LOC400499: variants seen among roughly 807,000 people sequenced by gnomAD.
the LOC400499 span, among the ~76,000 whole-genome samples, chr16:11,400,733 G>A: frequency 2.0e-5 from 3 of 152,114 alleles, no homozygotes; most frequent in Admixed American, 2.0e-4. Flanking sequence ...GAGCCACCAC[G>A]TCCGGCCCCT....
chr16:11,400,123 C>A, the LOC400499 span, among the ~76,000 whole-genome samples: 1 of 151,768 alleles, frequency 6.6e-6, no homozygotes, highest in Non-Finnish European at 1.5e-5. Context: ...AGAAAGCAAC[C>A]GTGCTCCTCA....
At chr16:11,403,848 G>C in the LOC400499 span, among the ~76,000 whole-genome samples, 1 of 152,188 alleles carries the variant, frequency 6.6e-6, no homozygotes, top group African/African-American at 2.4e-5. Flanking sequence ...ACTGCCCAGG[G>C]ATGCCACCTC....
At chr16:11,384,069 C>T in the LOC400499 span, 2 of 1,231,390 alleles carry the variant, frequency 1.6e-6, no homozygotes, top group Admixed American at 4.2e-5. Flanking sequence ...CCCGCGTACA[C>T]TGGCCTCAGC....
At chr16:11,406,014 C>T in the LOC400499 span, among the ~76,000 whole-genome samples, 2 of 152,142 alleles carry the variant, frequency 1.3e-5, no homozygotes, top group Non-Finnish European at 2.9e-5. Context: ...CTGGAATACT[C>T]TTTTTAAAAA....
At chr16:11,483,709 T>TAAA in the LOC400499 span, among the ~76,000 whole-genome samples, 1 of 145,370 alleles carries the variant, frequency 6.9e-6, no homozygotes, top group Non-Finnish European at 1.5e-5. Context: ...GTACAACTTT[T>TAAA]AAAAAAAAAA....
At chr16:11,420,593 A>G in the LOC400499 span, among the ~76,000 whole-genome samples, 1 of 126,184 alleles carries the variant, frequency 7.9e-6, no homozygotes, top group African/African-American at 3.6e-5. Context: ...TTAAATAATA[A>G]TAAACCCCCC....
the LOC400499 span, among the ~76,000 whole-genome samples, chr16:11,505,440 CTTTTCT>C: frequency 2.6e-3 from 198 of 75,272 alleles, 3 homozygotes; most frequent in African/African-American, 8.6e-3. Flanking sequence ...TTTAATTTTT[CTTTTCT>C]TTTTTTTTTT....
chr16:11,409,627 C>A, the LOC400499 span, among the ~76,000 whole-genome samples: 20 of 152,118 alleles, frequency 1.3e-4, no homozygotes, highest in Non-Finnish European at 2.4e-4. Flanking sequence ...TAAAACAAAA[C>A]AAAACAGTTT....
the LOC400499 span, among the ~76,000 whole-genome samples, chr16:11,431,780 C>G: frequency 1.3e-5 from 2 of 152,174 alleles, no homozygotes; most frequent in Non-Finnish European, 2.9e-5. Flanking sequence ...CTATGGCCAG[C>G]TCTTCCCATA....
At chr16:11,399,279 C>T in the LOC400499 span, 1 of 980,240 alleles carries the variant, frequency 1.0e-6, no homozygotes, top group Admixed American at 6.1e-5. Flanking sequence ...TCTTCCAGAG[C>T]CCTCACCACA....
At chr16:11,388,360 G>C in the LOC400499 span, among the ~76,000 whole-genome samples, 1 of 152,182 alleles carries the variant, frequency 6.6e-6, no homozygotes, top group Non-Finnish European at 1.5e-5. Context: ...TGTATCACAG[G>C]GAGTCTTTTC....
the LOC400499 span, among the ~76,000 whole-genome samples, chr16:11,473,356 GAA>G: frequency 6.8e-6 from 1 of 147,954 alleles, no homozygotes; most frequent in Non-Finnish European, 1.5e-5. Context: ...AAAAAAAAAA[GAA>G]AAAAAAATTT....
chr16:11,429,270 CCT>C, the LOC400499 span, among the ~76,000 whole-genome samples: 3 of 152,040 alleles, frequency 2.0e-5, no homozygotes, highest in African/African-American at 7.3e-5. Flanking sequence ...GCAGCTCCCC[CCT>C]CTTTCTCTTA....
the LOC400499 span, chr16:11,391,649 C>G: frequency 8.1e-7 from 1 of 1,231,970 alleles, no homozygotes; most frequent in Non-Finnish European, 1.0e-6. Context: ...ATTGAGCCCT[C>G]CCCCTCCCAC....
the LOC400499 span, among the ~76,000 whole-genome samples, chr16:11,427,436 C>A: frequency 6.7e-6 from 1 of 149,548 alleles, no homozygotes. Flanking sequence ...GGAGAAACCA[C>A]TAGACACTAA....
the LOC400499 span, among the ~76,000 whole-genome samples, chr16:11,503,889 G>C: frequency 3.3e-5 from 5 of 152,218 alleles, no homozygotes; most frequent in Non-Finnish European, 7.3e-5. Context: ...TGCCCAGTTT[G>C]GGGCGTCTAT....
the LOC400499 span, among the ~76,000 whole-genome samples, chr16:11,439,240 A>G: frequency 2.0e-5 from 3 of 152,166 alleles, no homozygotes; most frequent in East Asian, 5.8e-4. Context: ...CCCATTTTCA[A>G]GAGTGAAATG....
chr16:11,417,862 C>G, the LOC400499 span: 14 of 398,572 alleles, frequency 3.5e-5, no homozygotes, highest in Non-Finnish European at 4.4e-5. Flanking sequence ...CAAGGAGACG[C>G]TGGACCACCC....
chr16:11,472,031 T>C, the LOC400499 span: 4 of 388,294 alleles, frequency 1.0e-5, no homozygotes, highest in East Asian at 3.7e-5. Flanking sequence ...ATCATCTTAT[T>C]TGGGGGCTGT....
Sources: allele counts gnomAD v4.1 joint callset (sites outside exome capture counted in the v4.1 genomes callset), GRCh38; gene constraint gnomAD v4.1.1; transcripts MANE v1.5.